Variants in CTIF observed in about 807,000 individuals in gnomAD.
CTIF encodes the protein cap binding complex dependent translation initiation factor, also known as CBP80/20-dependent translation initiation factor.
In CTIF, 21 loss-of-function variants were observed where a neutral mutation model predicts 66.0. The ratio of observed to expected loss-of-function variants is 0.32; its 90% CI spans 0.23 to 0.46. CTIF has a LOEUF of 0.46. CTIF is among the 20% of genes least tolerant of loss of function. CTIF has a pLI of 1.00. For missense variants in CTIF, 739 were observed against 812.7 expected (o/e 0.91, Z 1.10); for synonymous variants, 345 against 326.4 (o/e 1.06, Z -0.62).
chr18:48,795,803 G>A (rs960266913), intron 9 of CTIF, among the ~76,000 whole-genome samples: 3 of 152,188 alleles, frequency 2.0e-5, no homozygotes, highest in Non-Finnish European at 4.4e-5. Context: ...GGAGGGTTTA[G>A]TGTAAGAATT....
chr18:48,661,545 C>A (rs1264140397), intron 3 of CTIF, among the ~76,000 whole-genome samples: 1 of 152,158 alleles, frequency 6.6e-6, no homozygotes, highest in Non-Finnish European at 1.5e-5. Context: ...GAAGGTGAGT[C>A]TCTCTAGCTG....
At chr18:48,551,846 G>T (rs2088890360) in intron 1 of CTIF, among the ~76,000 whole-genome samples, 1 of 151,698 alleles carries the variant, frequency 6.6e-6, no homozygotes, top group Non-Finnish European at 1.5e-5. Flanking sequence ...CACCCAGGCT[G>T]GAGTGTAGTG....
chr18:48,779,859 G>A (rs1028952165), intron 9 of CTIF, among the ~76,000 whole-genome samples: 27 of 152,190 alleles, frequency 1.8e-4, no homozygotes, highest in Non-Finnish European at 2.8e-4. Context: ...CACTTAGATC[G>A]GTATGTTTTG....
intron 2 of CTIF, among the ~76,000 whole-genome samples, chr18:48,630,112 C>G (rs974686279): frequency 1.3e-5 from 2 of 152,206 alleles, no homozygotes; most frequent in South Asian, 4.1e-4. Context: ...TGCTGTCTCT[C>G]CCGGGACATG....
chr18:48,758,057 C>G lies in CTIF; in HGVS notation c.723C>G (p.His241Gln), dbSNP rs1184077743. The change falls in exon 8 of 12, where the codon CAC becomes CAG. Residue 241 changes from histidine (H) to glutamine (Q), a missense_variant. Around this residue, in one of 2 missense-constraint regions of CTIF, gnomAD observed 529 missense variants for 520.3 expected, o/e 1.02. Transcript: ENST00000256413. The stretch of plus-strand genomic sequence containing the variant: ...CCCACCCCTCAGGGAGGCCCACTCA[C>G]CATGGCTACAGCCAGAACCGGCGCT... Reference protein sequence around the residue: ...SAPHPSGRPTHHGYSQNRRWH... With the variant: ...SAPHPSGRPTQHGYSQNRRWH... 6.2e-7 allele frequency: 1 copy of G among 1,614,126 alleles called. No homozygotes were observed. The highest frequency in any genetic ancestry group is 1.3e-5 in the African/African-American group (1 of 75,044).
intron 1 of CTIF, among the ~76,000 whole-genome samples, chr18:48,598,534 A>C (rs2090028991): frequency 6.6e-6 from 1 of 152,218 alleles, no homozygotes; most frequent in South Asian, 2.1e-4. Context: ...CAATAAGCTC[A>C]TGGCAGGTAT....
chr18:48,810,569 T>C (rs1316360458), intron 9 of CTIF, among the ~76,000 whole-genome samples: 1 of 152,070 alleles, frequency 6.6e-6, no homozygotes, highest in Non-Finnish European at 1.5e-5. Flanking sequence ...GATCACAGCT[T>C]ACTATGAAGC....
At position 48,689,141 on chromosome 18, in the gene CTIF, G is replaced by A. The variant is rs551547868; in HGVS notation, c.507+18397G>A. Among the ~76,000 whole-genome samples the A allele has an allele frequency of 1.1e-4, 17 of 152,330 alleles. No homozygotes were observed. In the South Asian group the frequency reaches 1.4e-3, roughly 13 times the overall value. On this transcript the variant is annotated intron_variant, in intron 6 of 11. Transcript: ENST00000256413. ...GACTGCCACAGCATCTGGGCATCCC[G>A]CACTGGCAGTTGTACCCTGTCCTCA... is the stretch of plus-strand genomic sequence containing the variant.
chr18:48,596,469 C>CTTTTCT (rs201969320), intron 1 of CTIF, among the ~76,000 whole-genome samples: 1 of 151,440 alleles, frequency 6.6e-6, no homozygotes, highest in Admixed American at 6.6e-5. Flanking sequence ...CTTTTCTTTT[C>CTTTTCT]TTTCTTTCTT....
intron 7 of CTIF, among the ~76,000 whole-genome samples, chr18:48,738,717 C>T (rs1291525727): frequency 1.3e-5 from 2 of 152,216 alleles, no homozygotes; most frequent in Non-Finnish European, 2.9e-5. Context: ...TCCAGCTTCC[C>T]ACTTCCGTAG....
chr18:48,563,144 A>T (rs1413617325), intron 1 of CTIF, among the ~76,000 whole-genome samples: 1 of 152,150 alleles, frequency 6.6e-6, no homozygotes, highest in Admixed American at 6.5e-5. Context: ...CTGTTTGCAG[A>T]TTAGTGACTT....
intron 7 of CTIF, among the ~76,000 whole-genome samples, chr18:48,719,055 G>A (rs573490094): frequency 1.3e-4 from 20 of 152,204 alleles, no homozygotes; most frequent in South Asian, 4.1e-4. Context: ...TTAATTCTAC[G>A]CTGTCTGCCC....
At chr18:48,698,057 T>G (rs1367174784) in intron 6 of CTIF, among the ~76,000 whole-genome samples, 3 of 121,152 alleles carry the variant, frequency 2.5e-5, no homozygotes, top group Non-Finnish European at 3.2e-5. Context: ...GGCAACTCTC[T>G]ACTCCTCCCT....
rs771769098 is a variant in CTIF at position 48,761,348 on chromosome 18, C to T, written c.1072-42C>T. On this transcript the variant is annotated intron_variant, in intron 8 of 11. Coordinates refer to ENST00000256413, the MANE Select transcript of CTIF (RefSeq NM_014772.3). This position sits in a 1 kb window ranked among gnomAD's most constrained non-coding sequence, Gnocchi z 4.2. ...CCAGGCCACCCCTGCACAGAGACCT[C>T]GGCTTCACTCAGGCACATTCATTTG... 22 of 1,589,522 alleles carry T rather than the reference C, an allele frequency of 1.4e-5. No individual in the cohort carries two copies. The highest frequency in any genetic ancestry group is 5.4e-5 in the African/African-American group (4 of 74,644).
chr18:48,554,470 C>T (rs1472398917), intron 1 of CTIF, among the ~76,000 whole-genome samples: 1 of 152,254 alleles, frequency 6.6e-6, no homozygotes, highest in East Asian at 1.9e-4. Flanking sequence ...GAGGCACCCT[C>T]TTCACTGTGT....
chr18:48,594,430 C>T (rs954398561), intron 1 of CTIF, among the ~76,000 whole-genome samples: 4 of 151,534 alleles, frequency 2.6e-5, no homozygotes, highest in South Asian at 2.1e-4. Flanking sequence ...CTGACTGCCA[C>T]GTGGCAGGTC....
intron 2 of CTIF, among the ~76,000 whole-genome samples, chr18:48,626,012 T>A (rs2144506207): frequency 6.8e-6 from 1 of 145,990 alleles, no homozygotes; most frequent in Admixed American, 6.7e-5. Flanking sequence ...TTTTTTTTTT[T>A]TTTTTTTGAG....
chr18:48,669,839 A>ATATATG, intron 5 of CTIF, among the ~76,000 whole-genome samples: 1 of 122,884 alleles, frequency 8.1e-6, no homozygotes, highest in Non-Finnish European at 1.7e-5. Flanking sequence ...ATATATATAT[A>ATATATG]TAAGCTAGAC....
chr18:48,769,025 A>T (rs1424255594), intron 9 of CTIF, among the ~76,000 whole-genome samples: 1 of 152,202 alleles, frequency 6.6e-6, no homozygotes, highest in African/African-American at 2.4e-5. Context: ...CTGGAGGTCA[A>T]GGGTACCTGA....
Sources: gnomAD v4.1 joint callset for allele counts (sites outside exome capture counted in the v4.1 genomes callset) on GRCh38, gnomAD v4.1.1 for gene constraint, gnomAD v4.1.1 regional missense constraint, Gnocchi (gnomAD v3.1) non-coding constraint, MANE v1.5 for transcripts, NCBI Gene and HGNC (gene_info 2026-07-23, HGNC 2026-07-21) for gene names.